PDZD2: variants seen among roughly 807,000 people sequenced by gnomAD.
PDZD2 encodes the protein PDZ domain-containing protein 2.
A neutral mutation model predicts 220.7 loss-of-function variants in PDZD2; 90 were observed. The observed-to-expected ratio is 0.41, with a 90% confidence interval of 0.34 to 0.49. PDZD2 has a LOEUF of 0.49. Ranked by LOEUF, PDZD2 falls within the 20% of genes least tolerant of loss-of-function variation. PDZD2 has a pLI of 0.28. For synonymous variants in PDZD2, 1,375 were observed against 1,450.5 expected (o/e 0.95, Z 1.18); for missense variants, 3,174 against 3,608.5 (o/e 0.88, Z 3.08).
intron 3 of PDZD2, among the ~76,000 whole-genome samples, chr5:31,987,398 C>G (rs879369258): frequency 2.6e-5 from 4 of 152,212 alleles, no homozygotes; most frequent in Admixed American, 2.0e-4. Context: ...CTTCCTGGAT[C>G]TGCATCTGCA....
In PDZD2 at chr5:31,799,203, C is replaced by G. The variant is rs1481353193; in HGVS notation, c.-46C>G. The G allele has an allele frequency of 5.7e-6, 8 of 1,393,968 alleles. No individual in the cohort carries two copies. The South Asian group carries it at 1.1e-4, about 18-fold the overall frequency. 86.3% of individuals were successfully genotyped at this position (1,393,968 alleles called of 1,614,324 possible). On this transcript the variant is annotated 5_prime_UTR_variant, in exon 2 of 25. Transcript: ENST00000438447. ...CGTGGGGCCCTGTGGGGTCTGGCCC[C>G]CAGGAGCAAGACCTCTGATGATGCT...
intron 1 of PDZD2, among the ~76,000 whole-genome samples, chr5:31,778,399 G>A (rs549564173): frequency 6.6e-6 from 1 of 152,268 alleles, no homozygotes; most frequent in South Asian, 2.1e-4. Flanking sequence ...CTTTGGGTCT[G>A]CACTGCCTTT....
chr5:31,993,385 CGAA>C (rs1373533541), intron 3 of PDZD2, among the ~76,000 whole-genome samples: 1 of 152,202 alleles, frequency 6.6e-6, no homozygotes, highest in Non-Finnish European at 1.5e-5. Context: ...GCACGCTACC[CGAA>C]GGAGTGTGGG....
intron 6 of PDZD2, among the ~76,000 whole-genome samples, chr5:32,035,219 A>G (rs747089998): frequency 6.6e-6 from 1 of 152,154 alleles, no homozygotes; most frequent in Non-Finnish European, 1.5e-5. Context: ...TTACCTACGT[A>G]ATTACTCTAA....
intron 1 of PDZD2, among the ~76,000 whole-genome samples, chr5:31,787,362 A>G (rs1468211506): frequency 6.6e-6 from 1 of 152,260 alleles, no homozygotes; most frequent in Non-Finnish European, 1.5e-5. Flanking sequence ...TGACATCCTG[A>G]GTAAACAGTC....
At chr5:31,673,432 C>T (rs1472714380) in intron 1 of PDZD2, among the ~76,000 whole-genome samples, 1 of 152,154 alleles carries the variant, frequency 6.6e-6, no homozygotes, top group Non-Finnish European at 1.5e-5. Context: ...CTACCTAGAA[C>T]AAGAGGTTAT....
intron 1 of PDZD2, among the ~76,000 whole-genome samples, chr5:31,764,619 AG>A (rs1441224563): frequency 6.6e-6 from 1 of 152,182 alleles, no homozygotes; most frequent in Non-Finnish European, 1.5e-5. Context: ...CCTGAAAAAA[AG>A]TTTTCCCATG....
chr5:31,744,504 A>G (rs1046588364), intron 1 of PDZD2: 5 of 152,186 alleles, frequency 3.3e-5, no homozygotes, highest in East Asian at 3.9e-4. Flanking sequence ...GCCTTTTGAT[A>G]TTGATATCAT....
intron 17 of PDZD2, 78 bp from the exon 18 acceptor site, chr5:32,073,754 A>T: frequency 1.1e-6 from 1 of 883,486 alleles, no homozygotes; most frequent in East Asian, 2.4e-5. Context: ...CTTATGTGTA[A>T]TGATGGGGTC....
intron 1 of PDZD2, among the ~76,000 whole-genome samples, chr5:31,706,842 CAAA>C (rs60622267): frequency 7.8e-6 from 1 of 128,982 alleles, no homozygotes. Context: ...GATTCCATCT[CAAA>C]AAAAAAAAAA....
intron 2 of PDZD2, among the ~76,000 whole-genome samples, chr5:31,976,695 TTTC>T (rs1561241030): frequency 3.4e-5 from 5 of 145,650 alleles, no homozygotes; most frequent in African/African-American, 7.6e-5. Context: ...GTTTCTTTCT[TTTC>T]CTTTTTTTCT....
chr5:31,958,715 G>C (rs1013947265), intron 2 of PDZD2, among the ~76,000 whole-genome samples: 3 of 151,998 alleles, frequency 2.0e-5, no homozygotes, highest in Non-Finnish European at 4.4e-5. Flanking sequence ...CGACCTCCTA[G>C]GCTCAAGCAA....
At chr5:31,772,369 T>C (rs1463529669) in intron 1 of PDZD2, among the ~76,000 whole-genome samples, 1 of 152,176 alleles carries the variant, frequency 6.6e-6, no homozygotes, top group African/African-American at 2.4e-5. Context: ...GACTGTGTGG[T>C]CCAACCCTAG....
intron 1 of PDZD2, among the ~76,000 whole-genome samples, chr5:31,775,808 A>G (rs1580730910): frequency 1.3e-5 from 2 of 152,110 alleles, no homozygotes; most frequent in African/African-American, 4.8e-5. Flanking sequence ...ACTTGGTGCC[A>G]AAGGTCTCCC....
intron 2 of PDZD2, among the ~76,000 whole-genome samples, chr5:31,935,619 T>C (rs1028626714): frequency 6.6e-6 from 1 of 152,228 alleles, no homozygotes; most frequent in African/African-American, 2.4e-5. Flanking sequence ...CCCTTGATTT[T>C]TGTTTGCATT....
At chr5:31,791,912 G>A (rs115700556) in intron 1 of PDZD2, among the ~76,000 whole-genome samples, 167 of 152,226 alleles carry the variant, frequency 1.1e-3, no homozygotes, top group African/African-American at 3.9e-3. Context: ...CAGATAATTG[G>A]TTGGACTGGT....
chr5:31,749,609 A>G (rs773790543), intron 1 of PDZD2, among the ~76,000 whole-genome samples: 35 of 152,022 alleles, frequency 2.3e-4, no homozygotes, highest in Non-Finnish European at 4.3e-4. Flanking sequence ...TTTTCAGTAG[A>G]GACAGCGTTT....
chr5:31,876,212 A>G (rs1739283860), intron 2 of PDZD2, among the ~76,000 whole-genome samples: 1 of 151,442 alleles, frequency 6.6e-6, no homozygotes, highest in Non-Finnish European at 1.5e-5. Context: ...TATACCAGCC[A>G]GTGTTTTTTC....
intron 1 of PDZD2, among the ~76,000 whole-genome samples, chr5:31,775,546 A>G (rs1242171162): frequency 1.3e-5 from 2 of 152,094 alleles, no homozygotes; most frequent in Admixed American, 1.3e-4. Flanking sequence ...TGATGAGAGT[A>G]GGGCTGCAAC....
Sources: gnomAD v4.1 joint callset for allele counts (sites outside exome capture counted in the v4.1 genomes callset) on GRCh38, gnomAD v4.1.1 for gene constraint, MANE v1.5 for transcripts, NCBI Gene and HGNC (gene_info 2026-07-23, HGNC 2026-07-21) for gene names.